Variants in TRMT10A observed in about 807,000 individuals in gnomAD.
The protein encoded by TRMT10A is tRNA methyltransferase 10A.
A neutral mutation model predicts 40.4 loss-of-function variants in TRMT10A; 37 were observed. The ratio of observed to expected loss-of-function variants is 0.92; its 90% CI spans 0.71 to 1.21. The LOEUF (loss-of-function observed/expected upper bound fraction) is 1.21, where lower values mean the gene tolerates loss of function less well. Ranked by LOEUF, TRMT10A falls within the 50% of genes most tolerant of loss-of-function variation. The pLI is 0.00. For synonymous variants in TRMT10A, 103 were observed against 134.1 expected (o/e 0.77, Z 1.60); for missense variants, 388 against 404.3 (o/e 0.96, Z 0.35).
chr4:99,556,260 G>T (rs1310969018), intron 4 of TRMT10A, 40 bp from the exon 5 acceptor site: 1 of 1,514,600 alleles, frequency 6.6e-7, no homozygotes, highest in South Asian at 1.2e-5. Context: ...GAGAACAAAT[G>T]ACCATTTAAG....
chr4:99,557,620 T>C (rs1197229269), intron 3 of TRMT10A: 6 of 471,628 alleles, frequency 1.3e-5, no homozygotes, highest in African/African-American at 2.0e-5. Flanking sequence ...AAGTGACCCA[T>C]TATTTCATAT....
chr4:99,560,003 T>C (rs1724323252), intron 1 of TRMT10A, among the ~76,000 whole-genome samples: 1 of 152,030 alleles, frequency 6.6e-6, no homozygotes, highest in South Asian at 2.1e-4. Flanking sequence ...TAAAGTTATA[T>C]AATGAAAATA....
rs954449344 is a variant in TRMT10A, at chr4:99,553,712, T to C, written c.645+73A>G. ...TAAAGATGAGCTATCATTAGTATTA[T>C]TGTTACTTTCAGGAAATGGTGATAT... On this transcript the variant is annotated intron_variant, in intron 6 of 7. Coordinates refer to ENST00000394876, the MANE Select transcript of TRMT10A (RefSeq NM_001134665.3). The C allele has an allele frequency of 8.4e-6, 12 of 1,426,270 alleles. No homozygotes were observed. In the African/African-American group the frequency reaches 8.5e-5, roughly 10 times the overall value. 88.4% of individuals were successfully genotyped at this position (1,426,270 alleles called of 1,614,324 possible).
At chr4:99,556,715 AC>A (rs1724176478) in intron 4 of TRMT10A, among the ~76,000 whole-genome samples, 2 of 152,184 alleles carry the variant, frequency 1.3e-5, no homozygotes, top group African/African-American at 4.8e-5. Flanking sequence ...AAACAAAAAT[AC>A]AAAATTACTA....
At position 99,553,105 on chromosome 4, in the gene TRMT10A, T is replaced by C. The variant is rs570362963; in HGVS notation, c.645+680A>G. Among the ~76,000 whole-genome samples, 3 of 152,278 alleles carry C rather than the reference T, an allele frequency of 2.0e-5. No homozygotes were observed. The South Asian group carries it at 6.2e-4, about 32-fold the overall frequency. ...GCTGCAACTGTCCAATTGGTAGCCA[T>C]GTGTGACTACTTAAATTTAAATTGA... is the stretch of plus-strand genomic sequence containing the variant. On this transcript the variant is annotated intron_variant, in intron 6 of 7. Transcript: ENST00000394876.
At chr4:99,563,605 G>C (rs949494670) in intron 1 of TRMT10A, 1 of 267,924 alleles carries the variant, frequency 3.7e-6, no homozygotes, top group African/African-American at 2.3e-5. Context: ...CACGCCGACG[G>C]AAAGCGCCCC....
chr4:99,561,111 C>A (rs991436934), intron 1 of TRMT10A, among the ~76,000 whole-genome samples: 9 of 151,946 alleles, frequency 5.9e-5, no homozygotes, highest in South Asian at 4.2e-4. Flanking sequence ...GGATTACAAG[C>A]GCGCGCCACC....
chr4:99,563,319 A>T (rs1220882957), intron 1 of TRMT10A: 3 of 152,640 alleles, frequency 2.0e-5, no homozygotes, highest in Non-Finnish European at 4.4e-5. Context: ...ATTTCAGTGA[A>T]ATCAAGTAAC....
intron 5 of TRMT10A, among the ~76,000 whole-genome samples, chr4:99,554,784 T>C (rs1260509105): frequency 6.7e-6 from 1 of 150,312 alleles, no homozygotes; most frequent in Non-Finnish European, 1.5e-5. Context: ...ATTTAATTAA[T>C]TCCATGTATC....
At chr4:99,563,075 C>T (rs1241369429) in intron 1 of TRMT10A, among the ~76,000 whole-genome samples, 1 of 152,166 alleles carries the variant, frequency 6.6e-6, no homozygotes, top group African/African-American at 2.4e-5. Context: ...CCCGCCTTGC[C>T]CTCCCGAAGT....
At chr4:99,562,202 T>C (rs1241975978) in intron 1 of TRMT10A, among the ~76,000 whole-genome samples, 3 of 77,276 alleles carry the variant, frequency 3.9e-5, no homozygotes, top group Non-Finnish European at 6.9e-5. Flanking sequence ...TATATATATA[T>C]GTGTGTGTGT....
rs1723796952 is a variant in TRMT10A at position 99,547,870 on chromosome 4, C to T, written c.*1218G>A. On this transcript the variant is annotated 3_prime_UTR_variant, in exon 8 of 8. Transcript: ENST00000394876. ...AACAGCAACTTATTTTACCCAAACT[C>T]AATGAAGGCTACTGAAATCTTTTAG... is the stretch of plus-strand genomic sequence containing the variant. 1 of 151,990 alleles carries T rather than the reference C, an allele frequency of 6.6e-6. No individual in the cohort carries two copies. The highest frequency in any genetic ancestry group is 2.4e-5 in the African/African-American group (1 of 41,410). The allele number at this position is 151,990 out of a possible 1,614,324, so 9.4% of individuals were successfully genotyped here. A position where few individuals can be genotyped will look rare whatever the true frequency, so the allele number is the denominator to read the frequency against.
Position 99,556,156 on chromosome 4 carries a change from A to T in TRMT10A, c.485T>A (p.Val162Asp). Residue 162 changes from valine to aspartate, a missense_variant, in exon 5 of 8, where the codon GTC (valine) becomes GAC (aspartate). By Grantham distance (152) the Val-to-Asp change is radical (BLOSUM62 -3). Transcript: ENST00000394876. ...KNMDENDKGW[V>D]NWKDIHIKPE... ...ATCTGTTTTAATTACCTTCCAGTTG[A>T]CCCATCCTTTGTCATTTTCATCCAT... is the stretch of plus-strand genomic sequence containing the variant. 1 of 1,613,568 alleles carries T rather than the reference A, an allele frequency of 6.2e-7. No individual in the cohort carries two copies. Among genetic ancestry groups the T allele is most frequent in the Non-Finnish European group, 8.5e-7 (1 of 1,179,684 alleles).
Position 99,559,319 on chromosome 4 carries a change from G to C in TRMT10A, c.20C>G (p.Pro7Arg). 6.2e-7 allele frequency: 1 copy of C among 1,610,176 alleles called. No homozygotes were observed. The highest frequency in any genetic ancestry group is 8.5e-7 in the Non-Finnish European group (1 of 1,177,696). Residue 7 changes from proline to arginine, a missense_variant, in exon 2 of 8, where the codon CCA becomes CGA. Physicochemically the swap from Pro to Arg is moderately radical, Grantham distance 103 (BLOSUM62 -2). Transcript: ENST00000394876. ...AACATTAGAAGTTTCAATAAATGCT[G>C]GCAACATTTCAGATGACATTATTTG... Reference protein sequence around the residue: MSSEMLPAFIETSNVDK... With the variant: MSSEMLRAFIETSNVDK...
intron 1 of TRMT10A, among the ~76,000 whole-genome samples, chr4:99,561,513 C>T (rs1724395228): frequency 6.6e-6 from 1 of 152,078 alleles, no homozygotes; most frequent in African/African-American, 2.4e-5. Flanking sequence ...AGTTTTTAGG[C>T]TTTAAATAAG....
Position 99,562,515 on chromosome 4 carries a change from C to CTTCTTTT in TRMT10A, c.-24+1397_-24+1398insAAAAGAA, listed in dbSNP as rs1164312241. ...CTTGACAGCGATAGCAAAGGAATGCCTTTTTTTTTTTTTTTTTTTTTTTTT... is the reference window on the plus strand; with the variant it reads ...CTTGACAGCGATAGCAAAGGAATGCCTTCTTTTTTTTTTTTTTTTTTTTTTTTTTTTT... On this transcript the variant is annotated intron_variant, in intron 1 of 7. Coordinates refer to ENST00000394876, the MANE Select transcript of TRMT10A (RefSeq NM_001134665.3). 1.1e-3 allele frequency among the ~76,000 whole-genome samples: 81 copies of CTTCTTTT among 76,636 alleles called. 4 individuals carry two copies. The highest frequency in any genetic ancestry group is 1.4e-3 in the Non-Finnish European group (59 of 41,630). 50.3% of individuals were successfully genotyped at this position (76,636 alleles called of 152,430 possible).
chr4:99,554,722 C>CAAAAAAAAA (rs532448105), intron 5 of TRMT10A, among the ~76,000 whole-genome samples: 1 of 90,878 alleles, frequency 1.1e-5, no homozygotes, highest in Non-Finnish European at 2.2e-5. Context: ...GACTACGTTT[C>CAAAAAAAAA]AAAAAAAAAA....
chr4:99,558,140 C>G lies in TRMT10A; in HGVS notation c.257G>C (p.Gly86Ala). ...TCTTCGAACACGTTTTCTGTCATGT[C>G]CATCTGAGTTTGGTTCCATTTGACA... Reference protein sequence around the residue: ...RQCQMEPNSDGHDRKRVRRDV... With the variant: ...RQCQMEPNSDAHDRKRVRRDV... The change falls in exon 3 of 8, where the codon GGA becomes GCA. Residue 86 changes from glycine to alanine, a missense_variant. Gly to Ala is a moderately conservative substitution (Grantham distance 60). Transcript: ENST00000394876. The G allele has an allele frequency of 1.2e-6, 2 of 1,612,286 alleles. No homozygotes were observed. The highest frequency in any genetic ancestry group is 2.2e-5 in the South Asian group (2 of 90,612).
chr4:99,557,451 T>A (rs374079095), intron 3 of TRMT10A, 35 bp from the exon 4 acceptor site: 4 of 1,578,198 alleles, frequency 2.5e-6, no homozygotes, highest in Non-Finnish European at 3.5e-6. Context: ...GCAAAGTTAT[T>A]AAAATTGTCT....
Sources: gnomAD v4.1 joint callset for allele counts (sites outside exome capture counted in the v4.1 genomes callset) on GRCh38, gnomAD v4.1.1 for gene constraint, MANE v1.5 for transcripts, NCBI Gene and HGNC (gene_info 2026-07-23, HGNC 2026-07-21) for gene names.